Variants in TRPC5 observed in about 807,000 individuals in gnomAD.
TRPC5 encodes transient receptor potential cation channel subfamily C member 5, also known as short transient receptor potential channel 5.
In TRPC5, 9 loss-of-function variants were observed where a neutral mutation model predicts 56.5. The ratio of observed to expected loss-of-function variants is 0.16; its 90% CI spans 0.10 to 0.28. The LOEUF (loss-of-function observed/expected upper bound fraction) is 0.28. Ranked by LOEUF, TRPC5 falls within the 10% of genes least tolerant of loss-of-function variation. The probability of loss-of-function intolerance (pLI) is 1.00; values close to 1 mark genes in which losing one functional copy is unlikely to be tolerated. For synonymous variants in TRPC5, 282 were observed against 278.5 expected (o/e 1.01, Z -0.13); for missense variants, 469 against 748.9 (o/e 0.63, Z 4.36).
intron 7 of TRPC5, among the ~76,000 whole-genome samples, chrX:111,826,619 G>C (rs766406295): frequency 4.4e-5 from 5 of 112,644 alleles, no homozygotes; most frequent in Non-Finnish European, 9.4e-5. Flanking sequence ...TATGCCTACA[G>C]CTTGAATTAA....
intron 1 of TRPC5, among the ~76,000 whole-genome samples, chrX:112,004,689 A>T (rs1280738727): frequency 9.0e-6 from 1 of 111,537 alleles, no homozygotes; most frequent in African/African-American, 3.3e-5. Context: ...CACATTTGAA[A>T]ACCACTGCTT....
At chrX:112,010,926 C>T (rs1603144292) in intron 1 of TRPC5, among the ~76,000 whole-genome samples, 1 of 112,030 alleles carries the variant, frequency 8.9e-6, no homozygotes, top group Non-Finnish European at 1.9e-5. Flanking sequence ...GCCAAACTTC[C>T]TGCCTGTGAG....
At chrX:111,966,314 A>C (rs1424083730) in intron 1 of TRPC5, among the ~76,000 whole-genome samples, 3 of 111,456 alleles carry the variant, frequency 2.7e-5, no homozygotes, top group Non-Finnish European at 3.8e-5. Flanking sequence ...CAATAACAGG[A>C]TCTGAAATTG....
intron 1 of TRPC5, among the ~76,000 whole-genome samples, chrX:111,976,125 A>G (rs1927921091): frequency 1.8e-5 from 2 of 112,041 alleles, no homozygotes; most frequent in African/African-American, 3.2e-5. Context: ...ATAAAACTCA[A>G]CAAAATGAAT....
intron 7 of TRPC5, among the ~76,000 whole-genome samples, chrX:111,794,913 A>G: frequency 9.0e-6 from 1 of 111,590 alleles, no homozygotes; most frequent in Admixed American, 9.6e-5. Flanking sequence ...ACATTCAGAT[A>G]ATAGCCAGAA....
chrX:111,806,585 C>T lies in TRPC5; in HGVS notation c.1897-24447G>A, dbSNP rs977437996. On this transcript the variant is annotated intron_variant, in intron 7 of 10. Coordinates refer to ENST00000262839, the MANE Select transcript of TRPC5 (RefSeq NM_012471.3). ...GAGAAAAGCCATGGTCTTTTTGTAA[C>T]GTAATCTTGGAAATGACATCACTTT... Among the ~76,000 whole-genome samples, 18 of 111,826 alleles carry T rather than the reference C, an allele frequency of 1.6e-4. 1 individual carries two copies. The highest frequency in any genetic ancestry group is 9.3e-3 in the Middle Eastern group (2 of 215).
chrX:111,805,652 A>G (rs1921481142), intron 7 of TRPC5, among the ~76,000 whole-genome samples: 2 of 111,458 alleles, frequency 1.8e-5, no homozygotes, highest in Admixed American at 9.6e-5. Context: ...ACAGATATCT[A>G]TCTATCTATC....
intron 7 of TRPC5, among the ~76,000 whole-genome samples, chrX:111,802,133 A>G (rs750555762): frequency 2.1e-4 from 24 of 112,072 alleles, no homozygotes; most frequent in Non-Finnish European, 3.8e-4. Context: ...AGAAAAGACT[A>G]GTCTTTCTCC....
intron 1 of TRPC5, among the ~76,000 whole-genome samples, chrX:112,026,215 C>T (rs773787864): frequency 1.4e-4 from 16 of 111,981 alleles, no homozygotes; most frequent in Admixed American, 1.4e-3. Context: ...TGAAGTCCCC[C>T]TGTGATTGTA....
chrX:111,913,720 G>C (rs982558985), intron 2 of TRPC5, among the ~76,000 whole-genome samples: 2 of 111,442 alleles, frequency 1.8e-5, no homozygotes, highest in African/African-American at 6.5e-5. Context: ...CAGCACTTTG[G>C]GAGGCCGAGG....
rs1462079515 is a variant in TRPC5 at position 111,773,704 on chromosome X, T to C, written c.*2609A>G. Among the ~76,000 whole-genome samples, 1 of 111,681 alleles carries C rather than the reference T, an allele frequency of 9.0e-6. No homozygotes were observed. The highest frequency in any genetic ancestry group is 1.9e-5 in the Non-Finnish European group (1 of 53,104). On this transcript the variant is annotated 3_prime_UTR_variant, in exon 11 of 11. Coordinates refer to ENST00000262839, the MANE Select transcript of TRPC5 (RefSeq NM_012471.3). ...TGTCCTTCTCTGGGCCTCTTTATTT[T>C]CTATTTGTAAAATATGAGGTTGGAA...
chrX:111,978,617 A>G (rs940744287), intron 1 of TRPC5, among the ~76,000 whole-genome samples: 6 of 111,499 alleles, frequency 5.4e-5, no homozygotes, highest in African/African-American at 1.6e-4. Context: ...CTTTATTTTT[A>G]ATAGCCCCAA....
intron 1 of TRPC5, among the ~76,000 whole-genome samples, chrX:112,036,859 C>T (rs1260978801): frequency 9.0e-6 from 1 of 110,859 alleles, no homozygotes; most frequent in Non-Finnish European, 1.9e-5. Flanking sequence ...CACAGAGACC[C>T]TTATAAGCAA....
At chrX:111,931,590 C>T (rs1288459609) in intron 2 of TRPC5, among the ~76,000 whole-genome samples, 1 of 112,367 alleles carries the variant, frequency 8.9e-6, no homozygotes, top group Non-Finnish European at 1.9e-5. Context: ...AAGAGAGATA[C>T]TATCTACTTG....
At chrX:111,796,836 G>A (rs2148558137) in intron 7 of TRPC5, among the ~76,000 whole-genome samples, 1 of 111,619 alleles carries the variant, frequency 9.0e-6, no homozygotes, top group African/African-American at 3.2e-5. Context: ...CTAGAACTCT[G>A]TTGGAGGTTT....
intron 1 of TRPC5, among the ~76,000 whole-genome samples, chrX:112,063,936 C>T (rs112054118): frequency 0.14 from 16,057 of 110,841 alleles, 2,721 homozygotes; most frequent in African/African-American, 0.49. Context: ...GGACTACAGG[C>T]GCCCACCACC....
At chrX:112,064,653 G>A (rs923960718) in intron 1 of TRPC5, among the ~76,000 whole-genome samples, 8 of 112,179 alleles carry the variant, frequency 7.1e-5, no homozygotes, top group Non-Finnish European at 1.1e-4. Flanking sequence ...AATGTATCAG[G>A]AATAATCTCT....
intron 3 of TRPC5, among the ~76,000 whole-genome samples, chrX:111,900,239 T>C (rs1925274953): frequency 9.0e-6 from 1 of 111,675 alleles, no homozygotes; most frequent in African/African-American, 3.3e-5. Context: ...TGGGCAATAA[T>C]AGACTTGGTA....
chrX:111,916,567 G>T (rs1050515656), intron 2 of TRPC5, among the ~76,000 whole-genome samples: 2 of 111,840 alleles, frequency 1.8e-5, no homozygotes, highest in Admixed American at 9.5e-5. Flanking sequence ...TATCTAAAAT[G>T]CAGGCCAAAC....
Sources: gnomAD v4.1 joint callset for allele counts (sites outside exome capture counted in the v4.1 genomes callset) on GRCh38, gnomAD v4.1.1 for gene constraint, MANE v1.5 for transcripts, NCBI Gene and HGNC (gene_info 2026-07-23, HGNC 2026-07-21) for gene names.